Variants in LRRK2 observed in about 807,000 individuals in gnomAD.
LRRK2 encodes the protein leucine rich repeat kinase 2.
In LRRK2, 203 loss-of-function variants were observed where a neutral mutation model predicts 302.6. That is an observed-to-expected ratio of 0.67 (90% confidence interval 0.60 to 0.75). The LOEUF is 0.75. Among genes scored for constraint, LRRK2 ranks in the 30% least tolerant of loss-of-function variants. The probability of loss-of-function intolerance (pLI) is 0.00; values close to 1 mark genes in which losing one functional copy is unlikely to be tolerated. For synonymous variants in LRRK2, 1,066 were observed against 1,031.9 expected, an observed-to-expected ratio of 1.03 and a Z score of -0.63; for missense variants, 2,830 against 2,951.0, an observed-to-expected ratio of 0.96 and a Z score of 0.95.
chr12:40,298,800 A>ATATATATAT lies in LRRK2; in HGVS notation c.3348-304_3348-303insATATTATAT, dbSNP rs1565726968. ...AGAAATATATATATATATATATATA[A>ATATATATAT]TATATGTATTATAATATATAATACA... On this transcript the variant is annotated intron_variant, in intron 24 of 50. Coordinates refer to ENST00000298910, the MANE Select transcript of LRRK2 (RefSeq NM_198578.4). Among the ~76,000 whole-genome samples, 13 of 50,600 alleles carry ATATATATAT rather than the reference A, an allele frequency of 2.6e-4. 2 individuals carry two copies. In the East Asian group the frequency reaches 5.3e-3, roughly 20 times the overall value. The allele number at this position is 50,600 out of a possible 152,430, so 33.2% of individuals were successfully genotyped here. A position where few individuals can be genotyped will look rare whatever the true frequency, so the allele number is the denominator to read the frequency against.
chr12:40,335,419 G>T (rs1945838037), intron 40 of LRRK2, among the ~76,000 whole-genome samples: 1 of 152,140 alleles, frequency 6.6e-6, no homozygotes. Flanking sequence ...ACCCTGTACT[G>T]ATCTGCCTTC....
chr12:40,367,789 G>C lies in LRRK2; in HGVS notation c.*24G>C. On this transcript the variant is annotated 3_prime_UTR_variant, in exon 51 of 51. Coordinates refer to ENST00000298910, the MANE Select transcript of LRRK2 (RefSeq NM_198578.4). ...AAGAGAGAAATAGGAATTGTCTTTG[G>C]ATAGGAAAATTATTCTCTCCTCTTG... is the stretch of plus-strand genomic sequence containing the variant. 6.3e-7 allele frequency: 1 copy of C among 1,596,286 alleles called. No homozygotes were observed. Among genetic ancestry groups the C allele is most frequent in the South Asian group, 1.1e-5 (1 of 88,826 alleles).
At chr12:40,271,096 C>A (rs1943217030) in intron 14 of LRRK2, among the ~76,000 whole-genome samples, 1 of 151,920 alleles carries the variant, frequency 6.6e-6, no homozygotes, top group African/African-American at 2.4e-5. Flanking sequence ...AAATTTTTCT[C>A]TTTCATTATT....
At chr12:40,295,293 C>T in intron 22 of LRRK2, 134 bp from the exon 23 acceptor site, 1 of 764,026 alleles carries the variant, frequency 1.3e-6, no homozygotes. Context: ...ATGTAAACTC[C>T]ATAGTTTGGT....
At chr12:40,299,704 A>C (rs1250611207) in intron 25 of LRRK2, among the ~76,000 whole-genome samples, 2 of 152,178 alleles carry the variant, frequency 1.3e-5, no homozygotes, top group Admixed American at 6.5e-5. Flanking sequence ...TGCAGTATAA[A>C]GAATGAACCC....
At chr12:40,255,165 G>A (rs1400119131) in intron 11 of LRRK2, among the ~76,000 whole-genome samples, 1 of 152,154 alleles carries the variant, frequency 6.6e-6, no homozygotes, top group African/African-American at 2.4e-5. Flanking sequence ...CAGGCTCATG[G>A]AGTTTAAACT....
chr12:40,298,511 A>T lies in LRRK2; in HGVS notation c.3347+18A>T. On this transcript the variant is annotated intron_variant, in intron 24 of 50. Coordinates refer to ENST00000298910, the MANE Select transcript of LRRK2 (RefSeq NM_198578.4). ...TTAGAAGGGTAAGAAAGAGCTCATT[A>T]AAAATAAAAGGGTTGCCTAAATATG... The T allele has an allele frequency of 6.2e-7, 1 of 1,613,722 alleles. No homozygotes were observed. The highest frequency in any genetic ancestry group is 8.5e-7 in the Non-Finnish European group (1 of 1,179,886).
intron 23 of LRRK2, among the ~76,000 whole-genome samples, chr12:40,297,937 C>A (rs185225006): frequency 2.6e-5 from 4 of 151,966 alleles, no homozygotes; most frequent in Admixed American, 1.3e-4. Flanking sequence ...TTTGTTGAGG[C>A]GTATTCTGCT....
chr12:40,313,528 A>G (rs1945103033), intron 31 of LRRK2, among the ~76,000 whole-genome samples: 1 of 152,016 alleles, frequency 6.6e-6, no homozygotes, highest in South Asian at 2.1e-4. Flanking sequence ...ACAAATAACC[A>G]AGCACAAAAT....
chr12:40,309,239 T>G lies in LRRK2; in HGVS notation c.4317+6T>G. ...CTTGGCTCTTCAATATAAAGGTGAT[T>G]TGTTCTGATCATTTGAAAATAGAAA... is the stretch of plus-strand genomic sequence containing the variant. On this transcript the variant is annotated splice_donor_region_variant and intron_variant, in intron 30 of 50. Coordinates refer to ENST00000298910, the MANE Select transcript of LRRK2 (RefSeq NM_198578.4). 6.2e-7 allele frequency: 1 copy of G among 1,612,604 alleles called. No individual in the cohort carries two copies. Among genetic ancestry groups the G allele is most frequent in the Non-Finnish European group, 8.5e-7 (1 of 1,179,454 alleles).
chr12:40,310,335 A>G, intron 30 of LRRK2, 96 bp from the exon 31 acceptor site: 1 of 1,164,206 alleles, frequency 8.6e-7, no homozygotes, highest in Non-Finnish European at 1.3e-6. Context: ...TCTCTTTTCC[A>G]TTCAAGTGAA....
rs201510600 is a variant in LRRK2 at position 40,313,953 on chromosome 12, G to A, written c.4537-19G>A. 6.3e-7 allele frequency: 1 copy of A among 1,575,756 alleles called. No homozygotes were observed. The highest frequency in any genetic ancestry group is 1.1e-5 in the South Asian group (1 of 87,508). On this transcript the variant is annotated intron_variant, in intron 31 of 50. Coordinates refer to ENST00000298910, the MANE Select transcript of LRRK2 (RefSeq NM_198578.4). ...CAAATAAAATAGATTTTTACGGCTT[G>A]TCATTTGTAATTTCATAGATCCGAG...
chr12:40,340,257 C>T, intron 40 of LRRK2, 37 bp from the exon 41 acceptor site: 2 of 1,602,946 alleles, frequency 1.2e-6, no homozygotes, highest in Middle Eastern at 1.7e-4. Flanking sequence ...ATAATGTAAT[C>T]ACATTTGAAT....
intron 18 of LRRK2, among the ~76,000 whole-genome samples, chr12:40,282,839 G>A (rs150066371): frequency 8.5e-5 from 13 of 152,200 alleles, no homozygotes; most frequent in South Asian, 2.1e-4. Flanking sequence ...CTCTGAGTTG[G>A]TACCCTGGAT....
At position 40,282,009 on chromosome 12, in the gene LRRK2, G is replaced by A. The variant is rs113119253; in HGVS notation, c.2242-1866G>A. On this transcript the variant is annotated intron_variant, in intron 18 of 50. Coordinates refer to ENST00000298910, the MANE Select transcript of LRRK2 (RefSeq NM_198578.4). ...TTTGTGAGTTTTTCCCTCCCTCCCC[G>A]CTTCCCTTCCCTTCCCTTCCCTTCC... 3.5e-3 allele frequency among the ~76,000 whole-genome samples: 154 copies of A among 44,504 alleles called. 7 individuals carry two copies. In the East Asian group the frequency reaches 0.086, roughly 25 times the overall value. The allele number at this position is 44,504 out of a possible 152,430, so 29.2% of individuals were successfully genotyped here. A position where few individuals can be genotyped will look rare whatever the true frequency, so the allele number is the denominator to read the frequency against.
intron 26 of LRRK2, among the ~76,000 whole-genome samples, chr12:40,303,716 C>T (rs1944707264): frequency 6.6e-6 from 1 of 152,060 alleles, no homozygotes; most frequent in Admixed American, 6.6e-5. Context: ...CCTACGATAG[C>T]CACTGTTATT....
At chr12:40,292,205 G>A (rs1944184645) in intron 20 of LRRK2, among the ~76,000 whole-genome samples, 1 of 151,982 alleles carries the variant, frequency 6.6e-6, no homozygotes, top group African/African-American at 2.4e-5. Context: ...CTAAGCAGAA[G>A]GCCAGAGTGA....
chr12:40,261,211 C>G (rs1430362531), intron 13 of LRRK2, among the ~76,000 whole-genome samples: 3 of 152,034 alleles, frequency 2.0e-5, no homozygotes, highest in African/African-American at 7.2e-5. Flanking sequence ...TAATTAAAAA[C>G]AATAAAAATG....
At chr12:40,225,323 C>G (rs769733225) in intron 1 of LRRK2, 41 bp downstream of exon 1, 32 of 1,607,204 alleles carry the variant, frequency 2.0e-5, no homozygotes, top group Non-Finnish European at 2.6e-5. Context: ...TTTTTGCAAA[C>G]TTTCTCCCCC....
Sources: gnomAD v4.1 joint callset for allele counts (sites outside exome capture counted in the v4.1 genomes callset) on GRCh38, gnomAD v4.1.1 for gene constraint, MANE v1.5 for transcripts, NCBI Gene and HGNC (gene_info 2026-07-23, HGNC 2026-07-21) for gene names.